The following GCH1 variants were observed in gnomAD, a reference collection of about 807,000 sequenced individuals.
GCH1 encodes GTP cyclohydrolase I.
GCH1 carries 5 observed loss-of-function variants against 25.9 expected under a neutral mutation model. The observed-to-expected ratio is 0.19, with a 90% CI of 0.10 to 0.41. The LOEUF is 0.41. GCH1 is among the 10% of genes least tolerant of loss of function. GCH1 has a pLI of 1.00. For synonymous variants in GCH1, 159 were observed against 129.6 expected, an observed-to-expected ratio of 1.23 and a Z score of -1.54; for missense variants, 261 against 336.5, an observed-to-expected ratio of 0.78 and a Z score of 1.75.
chr14:54,891,947 G>A (rs7147286), intron 1 of GCH1, among the ~76,000 whole-genome samples: 65,032 of 152,010 alleles, frequency 0.43, 15,575 homozygotes, highest in African/African-American at 0.65. Flanking sequence ...GAGTAGTGAC[G>A]TTGGCAATTC....
intron 1 of GCH1, among the ~76,000 whole-genome samples, chr14:54,892,269 T>A (rs550226816): frequency 9.2e-5 from 14 of 152,336 alleles, no homozygotes; most frequent in African/African-American, 3.4e-4. Flanking sequence ...ACCCTCAGTT[T>A]CAGGCACCCA....
chr14:54,900,843 T>TCACACACACACACACACA (rs1491121836), intron 1 of GCH1, among the ~76,000 whole-genome samples: 1 of 84,648 alleles, frequency 1.2e-5, no homozygotes, highest in Admixed American at 1.7e-4. Context: ...TTGTGAAATA[T>TCACACACACACACACACA]CTCACACACA....
At chr14:54,875,454 A>G (rs540696609) in intron 1 of GCH1, among the ~76,000 whole-genome samples, 40 of 152,352 alleles carry the variant, frequency 2.6e-4, no homozygotes, top group Non-Finnish European at 4.9e-4. Flanking sequence ...GATGGCAACA[A>G]AAGCCAAAAT....
At chr14:54,855,437 T>A (rs1243224623) in intron 3 of GCH1, among the ~76,000 whole-genome samples, 21 of 112,660 alleles carry the variant, frequency 1.9e-4, no homozygotes, top group African/African-American at 7.0e-4. Context: ...ACCCAGGAGG[T>A]GGAGGCTGCA....
intron 1 of GCH1, among the ~76,000 whole-genome samples, chr14:54,897,627 A>G (rs1005205986): frequency 6.6e-6 from 1 of 152,028 alleles, no homozygotes; most frequent in South Asian, 2.1e-4. Context: ...CCCAATTCAC[A>G]GTTTGAAATA....
chr14:54,855,234 G>A (rs542995304), intron 3 of GCH1, among the ~76,000 whole-genome samples: 72 of 152,168 alleles, frequency 4.7e-4, no homozygotes, highest in African/African-American at 1.6e-3. Context: ...GGCCAGGCGC[G>A]GTGGCTCACT....
At chr14:54,845,908 T>G in intron 4 of GCH1, 56 bp from the exon 5 acceptor site, 3 of 927,768 alleles carry the variant, frequency 3.2e-6, no homozygotes, top group Non-Finnish European at 5.4e-6. Flanking sequence ...GCTGGAAGCT[T>G]TTTCTGTCTC....
chr14:54,879,621 G>C (rs1566676204), intron 1 of GCH1, among the ~76,000 whole-genome samples: 1 of 152,048 alleles, frequency 6.6e-6, no homozygotes, highest in African/African-American at 2.4e-5. Context: ...TGTAGCAGAA[G>C]GATATGTAGA....
At chr14:54,900,853 A>T (rs968986887) in intron 1 of GCH1, among the ~76,000 whole-genome samples, 54 of 105,854 alleles carry the variant, frequency 5.1e-4, no homozygotes, top group South Asian at 2.9e-3. Context: ...TCTCACACAC[A>T]CACACACACA....
intron 1 of GCH1, 23 bp from the exon 2 acceptor site, chr14:54,865,459 G>A: frequency 9.0e-7 from 1 of 1,110,428 alleles, no homozygotes; most frequent in South Asian, 1.3e-5. Flanking sequence ...GCTTGCTTTA[G>A]TAACATGTCC....
chr14:54,870,271 G>A (rs1474657376), intron 1 of GCH1, among the ~76,000 whole-genome samples: 2 of 135,524 alleles, frequency 1.5e-5, no homozygotes, highest in Non-Finnish European at 3.0e-5. Flanking sequence ...GCGAAGGTGA[G>A]AACATTGCTA....
chr14:54,843,477 AACATT>A lies in GCH1; in HGVS notation c.*535_*539del. 8.0e-7 allele frequency: 1 copy of A among 1,247,954 alleles called. No individual in the cohort carries two copies. Among genetic ancestry groups the A allele is most frequent in the East Asian group, 3.9e-5 (1 of 25,464 alleles). 77.3% of individuals were successfully genotyped at this position (1,247,954 alleles called of 1,614,324 possible). ...ATTCCACCACCTTCCCTTGGTGACTAACATTACGACTGCTAAAAATATATTTTTAA... is the reference window on the plus strand; with the variant it reads ...ATTCCACCACCTTCCCTTGGTGACTAACGACTGCTAAAAATATATTTTTAA... On this transcript the variant is annotated 3_prime_UTR_variant, in exon 6 of 6. Coordinates refer to ENST00000491895, the MANE Select transcript of GCH1 (RefSeq NM_000161.3).
At chr14:54,864,462 T>C (rs1190939652) in intron 2 of GCH1, among the ~76,000 whole-genome samples, 2 of 152,154 alleles carry the variant, frequency 1.3e-5, no homozygotes, top group African/African-American at 2.4e-5. Context: ...GTATGTTAAG[T>C]AGTCATTCCT....
intron 1 of GCH1, among the ~76,000 whole-genome samples, chr14:54,893,671 A>G (rs1457029173): frequency 6.6e-6 from 1 of 152,154 alleles, no homozygotes; most frequent in Non-Finnish European, 1.5e-5. Flanking sequence ...CTGTGCCCCA[A>G]TTTCCTTATG....
At chr14:54,864,667 G>C (rs2039965936) in intron 2 of GCH1, among the ~76,000 whole-genome samples, 1 of 152,144 alleles carries the variant, frequency 6.6e-6, no homozygotes, top group Admixed American at 6.5e-5. Context: ...AAAGAGAATA[G>C]GCCAGCTGTT....
intron 1 of GCH1, among the ~76,000 whole-genome samples, chr14:54,881,256 A>C (rs117404931): frequency 0.016 from 2,384 of 152,236 alleles, 35 homozygotes; most frequent in South Asian, 0.047. Context: ...GGGCTATAGG[A>C]GGAGGGCAAG....
intron 3 of GCH1, among the ~76,000 whole-genome samples, chr14:54,848,397 A>G (rs1470107986): frequency 6.6e-6 from 1 of 152,106 alleles, no homozygotes; most frequent in Non-Finnish European, 1.5e-5. Context: ...AGTCTCCCAA[A>G]ATGCTAGGAT....
intron 1 of GCH1, among the ~76,000 whole-genome samples, chr14:54,897,067 T>C (rs2040497556): frequency 1.4e-5 from 2 of 138,102 alleles, no homozygotes; most frequent in African/African-American, 5.7e-5. Context: ...TGGAGTGCAG[T>C]GGCACAATCT....
chr14:54,889,619 T>C (rs2040398903), intron 1 of GCH1, among the ~76,000 whole-genome samples: 1 of 152,000 alleles, frequency 6.6e-6, no homozygotes, highest in Non-Finnish European at 1.5e-5. Flanking sequence ...TTCACAGAAG[T>C]CTCCATAAGC....
Sources: allele counts gnomAD v4.1 joint callset (sites outside exome capture counted in the v4.1 genomes callset), GRCh38; gene constraint gnomAD v4.1.1; transcripts MANE v1.5; gene names NCBI Gene and HGNC (gene_info 2026-07-23, HGNC 2026-07-21).